Variants in RERE observed in about 807,000 individuals in gnomAD.
The protein encoded by RERE is arginine-glutamic acid dipeptide repeats protein.
In RERE, 40 loss-of-function variants were observed where a neutral mutation model predicts 146.1. The observed-to-expected ratio is 0.27, with a 90% CI of 0.21 to 0.36. RERE has a LOEUF of 0.36. Ranked by LOEUF, RERE falls within the 10% of genes least tolerant of loss-of-function variation. RERE has a pLI of 1.00. For synonymous variants in RERE, 1,003 were observed against 866.0 expected, an observed-to-expected ratio of 1.16 and a Z score of -2.78; for missense variants, 1,933 against 2,138.7, an observed-to-expected ratio of 0.90 and a Z score of 1.90.
intron 1 of RERE, among the ~76,000 whole-genome samples, chr1:8,693,844 C>T (rs1271455622): frequency 3.3e-5 from 5 of 151,926 alleles, no homozygotes; most frequent in African/African-American, 4.8e-5. Flanking sequence ...AGGGGGGATG[C>T]GGGAACTCTG....
At chr1:8,558,339 G>A (rs1308511226) in intron 4 of RERE, among the ~76,000 whole-genome samples, 1 of 152,192 alleles carries the variant, frequency 6.6e-6, no homozygotes, top group African/African-American at 2.4e-5. Flanking sequence ...GCTGCAGCTT[G>A]CAAAAGATCA....
At chr1:8,430,797 C>T (rs1447662367) in intron 11 of RERE, among the ~76,000 whole-genome samples, 1 of 152,156 alleles carries the variant, frequency 6.6e-6, no homozygotes, top group Non-Finnish European at 1.5e-5. Flanking sequence ...GTAACCGGGC[C>T]CATTCTACAG....
At chr1:8,701,624 G>C (rs545906625) in intron 1 of RERE, among the ~76,000 whole-genome samples, 2 of 152,246 alleles carry the variant, frequency 1.3e-5, no homozygotes, top group African/African-American at 4.8e-5. Context: ...TGTAATCTTG[G>C]TCAATTCTAT....
At chr1:8,739,961 C>T (rs1640276073) in intron 1 of RERE, among the ~76,000 whole-genome samples, 1 of 151,976 alleles carries the variant, frequency 6.6e-6, no homozygotes, top group Admixed American at 6.6e-5. Flanking sequence ...GGCCACTGCA[C>T]ATGGGTTTCC....
chr1:8,699,555 T>C (rs1024541712), intron 1 of RERE, among the ~76,000 whole-genome samples: 7 of 152,222 alleles, frequency 4.6e-5, no homozygotes, highest in African/African-American at 1.7e-4. Context: ...TATGTGGAAT[T>C]GGATAACAAC....
chr1:8,485,750 C>G (rs541164884), intron 10 of RERE, among the ~76,000 whole-genome samples: 23 of 148,126 alleles, frequency 1.6e-4, no homozygotes, highest in South Asian at 2.1e-4. Context: ...ATATATGAAG[C>G]AAAAATTAAC....
chr1:8,808,319 G>A (rs974027919), intron 1 of RERE, among the ~76,000 whole-genome samples: 3 of 151,940 alleles, frequency 2.0e-5, no homozygotes, highest in African/African-American at 7.3e-5. Context: ...TTTTAGAATT[G>A]GTACCTCAAA....
intron 8 of RERE, among the ~76,000 whole-genome samples, chr1:8,502,446 CCCGT>C (rs1456223624): frequency 8.0e-6 from 1 of 124,236 alleles, no homozygotes; most frequent in African/African-American, 3.4e-5. Context: ...GGCCAGCCGC[CCCGT>C]CCGGGAGGGT....
chr1:8,775,662 A>T (rs1175097552), intron 1 of RERE, among the ~76,000 whole-genome samples: 1 of 152,220 alleles, frequency 6.6e-6, no homozygotes, highest in Non-Finnish European at 1.5e-5. Flanking sequence ...CTAATATTAA[A>T]TACACATGGT....
intron 1 of RERE, among the ~76,000 whole-genome samples, chr1:8,804,109 T>C (rs1245848360): frequency 6.6e-6 from 1 of 152,214 alleles, no homozygotes. Context: ...CTCAACAAGG[T>C]CTTTAATCAT....
In RERE at chr1:8,442,494, GCTCC is replaced by G. The variant is rs577440600; in HGVS notation, c.1204-19691_1204-19688del. 5.1e-4 allele frequency among the ~76,000 whole-genome samples: 77 copies of G among 151,664 alleles called. 1 individual carries two copies. The highest frequency in any genetic ancestry group is 3.5e-3 in the Middle Eastern group (1 of 288). ...ACTTCGTTTTCTACCATAAGTAAAA[GCTCC>G]CTGAGGCCTCCCCAGAAGCCACACA... On this transcript the variant is annotated intron_variant, in intron 11 of 22. Transcript: ENST00000400908.
At chr1:8,561,586 C>T (rs1646079088) in intron 4 of RERE, among the ~76,000 whole-genome samples, 2 of 152,170 alleles carry the variant, frequency 1.3e-5, no homozygotes, top group South Asian at 4.1e-4. Context: ...TCTAGATTTC[C>T]TCCTCAAACA....
At chr1:8,639,719 A>C (rs1416251942) in intron 2 of RERE, among the ~76,000 whole-genome samples, 1 of 152,224 alleles carries the variant, frequency 6.6e-6, no homozygotes, top group Non-Finnish European at 1.5e-5. Context: ...GGATGTAAAA[A>C]TACAGCATAC....
chr1:8,457,693 C>T (rs1644468885), intron 11 of RERE, among the ~76,000 whole-genome samples: 1 of 152,146 alleles, frequency 6.6e-6, no homozygotes, highest in Non-Finnish European at 1.5e-5. Context: ...TCCTCTGCTT[C>T]CTGGGGAGGT....
intron 1 of RERE, among the ~76,000 whole-genome samples, chr1:8,796,951 G>C (rs536278020): frequency 5.3e-5 from 8 of 152,178 alleles, no homozygotes; most frequent in Admixed American, 2.6e-4. Context: ...TACAGATGAG[G>C]GTCACAGACT....
At chr1:8,736,888 G>T (rs557964139) in intron 1 of RERE, among the ~76,000 whole-genome samples, 1 of 150,140 alleles carries the variant, frequency 6.7e-6, no homozygotes, top group South Asian at 2.1e-4. Flanking sequence ...AAAACCTTTG[G>T]AGAGTCATTG....
At chr1:8,501,040 G>C (rs1223270074) in intron 8 of RERE, among the ~76,000 whole-genome samples, 2 of 139,092 alleles carry the variant, frequency 1.4e-5, no homozygotes, top group African/African-American at 6.0e-5. Context: ...GAGGGGGGGG[G>C]GGGGTCAGCC....
intron 6 of RERE, among the ~76,000 whole-genome samples, chr1:8,547,454 CAAATA>C (rs1645878227): frequency 6.6e-6 from 1 of 151,730 alleles, no homozygotes; most frequent in African/African-American, 2.4e-5. Flanking sequence ...AAAAATACAA[CAAATA>C]AAATTAAATG....
At chr1:8,613,624 G>C (rs1384525172) in intron 4 of RERE, among the ~76,000 whole-genome samples, 1 of 152,006 alleles carries the variant, frequency 6.6e-6, no homozygotes, top group Non-Finnish European at 1.5e-5. Context: ...TATATTGACA[G>C]TATCTTGCAT....
Sources: gnomAD v4.1 joint callset for allele counts (sites outside exome capture counted in the v4.1 genomes callset) on GRCh38, gnomAD v4.1.1 for gene constraint, MANE v1.5 for transcripts, NCBI Gene and HGNC (gene_info 2026-07-23, HGNC 2026-07-21) for gene names.